SCP2: variants seen among roughly 807,000 people sequenced by gnomAD.
The protein encoded by SCP2 is sterol carrier protein 2.
SCP2 carries 48 observed loss-of-function variants against 71.4 expected under a neutral mutation model. That is an observed-to-expected ratio of 0.67 (90% CI 0.53 to 0.86). The LOEUF (loss-of-function observed/expected upper bound fraction) is 0.86, where lower values mean the gene tolerates loss of function less well. Ranked by LOEUF, SCP2 falls within the 40% of genes least tolerant of loss-of-function variation. The probability of loss-of-function intolerance (pLI) is 0.00; values close to 1 mark genes in which losing one functional copy is unlikely to be tolerated. For synonymous variants in SCP2, 220 were observed against 218.1 expected (o/e 1.01, Z -0.08); for missense variants, 560 against 655.6 (o/e 0.85, Z 1.59).
chr1:52,945,742 A>AT (rs1654722831), intron 2 of SCP2, among the ~76,000 whole-genome samples: 2 of 142,850 alleles, frequency 1.4e-5, no homozygotes, highest in African/African-American at 6.0e-5. Context: ...TAAGTTGTGC[A>AT]TAATATATAT....
chr1:52,991,782 T>G (rs1572153705), intron 11 of SCP2, among the ~76,000 whole-genome samples: 2 of 152,184 alleles, frequency 1.3e-5, no homozygotes, highest in South Asian at 2.1e-4. Flanking sequence ...GTTTTTTTTT[T>G]TGTGATAACA....
intron 1 of SCP2, among the ~76,000 whole-genome samples, chr1:52,927,810 CA>C (rs1453557664): frequency 6.6e-6 from 1 of 152,150 alleles, no homozygotes; most frequent in East Asian, 1.9e-4. Context: ...TCGGCCCTCC[CA>C]GGAACAGCCC....
chr1:52,953,517 TG>T (rs1008967524), intron 4 of SCP2, among the ~76,000 whole-genome samples: 1 of 151,958 alleles, frequency 6.6e-6, no homozygotes, highest in African/African-American at 2.4e-5. Context: ...AACTAATTTT[TG>T]TATATTTTGT....
chr1:53,024,815 A>T (rs1169865250), intron 12 of SCP2, among the ~76,000 whole-genome samples: 5 of 151,886 alleles, frequency 3.3e-5, no homozygotes, highest in African/African-American at 1.2e-4. Context: ...CAGGTGATCC[A>T]CCTGCCTCGG....
intron 11 of SCP2, chr1:52,993,961 A>T (rs1659739944): frequency 7.6e-7 from 1 of 1,311,974 alleles, no homozygotes; most frequent in African/African-American, 1.5e-5. Context: ...GTTTTAATAG[A>T]AATACAAATA....
chr1:52,994,408 A>G, intron 11 of SCP2: 1 of 468,198 alleles, frequency 2.1e-6, no homozygotes, highest in Non-Finnish European at 2.8e-6. Flanking sequence ...GCATGTTTTT[A>G]TTATAATTTG....
chr1:52,957,782 A>G (rs1489682174), intron 5 of SCP2, among the ~76,000 whole-genome samples: 3 of 152,380 alleles, frequency 2.0e-5, no homozygotes, highest in Admixed American at 2.0e-4. Flanking sequence ...TGTGTTTTAC[A>G]TGTAGGTCTG....
chr1:53,012,080 T>C (rs1046105044), intron 11 of SCP2, among the ~76,000 whole-genome samples: 5 of 152,158 alleles, frequency 3.3e-5, no homozygotes, highest in African/African-American at 1.2e-4. Flanking sequence ...AAGCCAGTCA[T>C]AAAACCTAGA....
At chr1:52,990,325 A>G (rs1042831582) in intron 11 of SCP2, among the ~76,000 whole-genome samples, 3 of 152,192 alleles carry the variant, frequency 2.0e-5, no homozygotes, top group Non-Finnish European at 2.9e-5. Flanking sequence ...TACCTAGGAA[A>G]AAAAGCAGTC....
chr1:53,024,929 C>G (rs990306605), intron 12 of SCP2, among the ~76,000 whole-genome samples: 1 of 151,944 alleles, frequency 6.6e-6, no homozygotes, highest in Non-Finnish European at 1.5e-5. Context: ...CTTTATCCCC[C>G]CCACCAAAAA....
chr1:52,949,119 A>T (rs1213679011), intron 3 of SCP2, among the ~76,000 whole-genome samples: 1 of 152,216 alleles, frequency 6.6e-6, no homozygotes, highest in African/African-American at 2.4e-5. Flanking sequence ...TATATACAGT[A>T]TTATTAAAAT....
Position 53,037,392 on chromosome 1 carries a change from G to A in SCP2, c.1339-1525G>A, listed in dbSNP as rs142279211. On this transcript the variant is annotated intron_variant, in intron 13 of 15. Transcript: ENST00000371514. ...CCCCTGTGTTTCCCTTGATCGCAGC[G>A]TATTGTCATAGTGATCATAGCGTAT... is the stretch of plus-strand genomic sequence containing the variant. 1.9e-3 allele frequency among the ~76,000 whole-genome samples: 292 copies of A among 152,088 alleles called. 1 individual carries two copies. The highest frequency in any genetic ancestry group is 4.5e-3 in the Admixed American group (69 of 15,254).
chr1:53,014,822 CA>C, intron 11 of SCP2, 67 bp from the exon 12 acceptor site: 1 of 1,568,576 alleles, frequency 6.4e-7, no homozygotes, highest in Non-Finnish European at 8.7e-7. Flanking sequence ...TTTAAAGTCA[CA>C]AACATCCCTT....
chr1:52,981,189 C>T (rs186138934), intron 10 of SCP2, among the ~76,000 whole-genome samples: 1 of 152,310 alleles, frequency 6.6e-6, no homozygotes, highest in Non-Finnish European at 1.5e-5. Context: ...ACCTAGGCTT[C>T]CTAAAGTGCT....
Position 53,014,974 on chromosome 1 carries a change from A to C in SCP2, c.1166A>C (p.Gln389Pro). Residue 389 changes from glutamine to proline, a missense_variant, in exon 12 of 16, where the codon CAG (glutamine) becomes CCG (proline). Gln to Pro is a moderately conservative substitution (Grantham distance 76). Coordinates refer to ENST00000371514, the MANE Select transcript of SCP2 (RefSeq NM_002979.5). ...RQVPGAKVAL[Q>P]HNLGIGGAVV... ...GTTCCTGGTGCAAAGGTGGCTCTGC[A>C]GCATAATTTAGGCATTGGAGGAGCT... 6.2e-7 allele frequency: 1 copy of C among 1,614,178 alleles called. No homozygotes were observed. Among genetic ancestry groups the C allele is most frequent in the East Asian group, 2.2e-5 (1 of 44,884 alleles).
At chr1:53,012,099 A>C (rs1048599749) in intron 11 of SCP2, among the ~76,000 whole-genome samples, 2 of 152,170 alleles carry the variant, frequency 1.3e-5, no homozygotes, top group African/African-American at 4.8e-5. Flanking sequence ...GAATACTACT[A>C]TAACTTCCCT....
chr1:53,013,962 C>G (rs1031841299), intron 11 of SCP2, among the ~76,000 whole-genome samples: 2 of 132,356 alleles, frequency 1.5e-5, no homozygotes, highest in African/African-American at 5.4e-5. Context: ...GTGGCCCGAT[C>G]TCAGCTCACT....
intron 3 of SCP2, among the ~76,000 whole-genome samples, 196 bp downstream of exon 3, chr1:52,948,276 C>G (rs1423508637): frequency 6.6e-6 from 1 of 152,186 alleles, no homozygotes; most frequent in Non-Finnish European, 1.5e-5. Flanking sequence ...TTAAAGATTT[C>G]CCTTGTGTGT....
chr1:53,039,906 C>T (rs1412477669), intron 14 of SCP2, among the ~76,000 whole-genome samples: 1 of 152,182 alleles, frequency 6.6e-6, no homozygotes, highest in African/African-American at 2.4e-5. Context: ...GCAAAGCTAA[C>T]GTGTGAAACT....
Sources: gnomAD v4.1 joint callset for allele counts (sites outside exome capture counted in the v4.1 genomes callset) on GRCh38, gnomAD v4.1.1 for gene constraint, MANE v1.5 for transcripts, NCBI Gene and HGNC (gene_info 2026-07-23, HGNC 2026-07-21) for gene names.